The following MUC22 variants were observed in gnomAD, a reference collection of about 807,000 sequenced individuals.
MUC22 encodes mucin 22.
A neutral mutation model predicts 40.3 loss-of-function variants in MUC22; 24 were observed. That is an observed-to-expected ratio of 0.60 (90% CI 0.43 to 0.84). The LOEUF is 0.84. Ranked by LOEUF, MUC22 falls within the 40% of genes least tolerant of loss-of-function variation. MUC22 has a pLI of 0.00. For synonymous variants in MUC22, 765 were observed against 844.5 expected, an observed-to-expected ratio of 0.91 and a Z score of 1.63; for missense variants, 1,926 against 2,130.7, an observed-to-expected ratio of 0.90 and a Z score of 1.89.
chr6:31,019,141 C>G (rs1162086182), intron 1 of MUC22, among the ~76,000 whole-genome samples: 2 of 152,216 alleles, frequency 1.3e-5, no homozygotes, highest in African/African-American at 4.8e-5. Flanking sequence ...ATATTTCCAA[C>G]TTCCACTTCA....
chr6:31,029,909 C>G, exon 2 of MUC22: 1 of 1,516,164 alleles, frequency 6.6e-7, no homozygotes, highest in East Asian at 2.5e-5. Flanking sequence ...ATCATAGGCT[C>G]TGAGAGCACC....
chr6:31,026,488 G>A (rs1765364122), exon 2 of MUC22: 2 of 1,506,952 alleles, frequency 1.3e-6, no homozygotes, highest in Admixed American at 2.0e-5. Flanking sequence ...CTCCACTGCA[G>A]GCTCTGAGAC....
At chr6:31,018,254 T>C (rs1764399434) in intron 1 of MUC22, among the ~76,000 whole-genome samples, 1 of 152,238 alleles carries the variant, frequency 6.6e-6, no homozygotes, top group African/African-American at 2.4e-5. Flanking sequence ...GGTGTATTCA[T>C]CCAAGTGCTT....
At position 31,032,690 on chromosome 6, in the gene MUC22, C is replaced by A. The variant is rs1237120869; in HGVS notation, c.5055+109C>A. 1.2e-5 allele frequency: 15 copies of A among 1,206,558 alleles called. No individual in the cohort carries two copies. The highest frequency in any genetic ancestry group is 2.5e-4 in the Middle Eastern group (1 of 4,064). The allele number at this position is 1,206,558 out of a possible 1,614,324, so 74.7% of individuals were successfully genotyped here. ...AATGAGAAAGGGGAGTAAGTTGGTG[C>A]GCTCAGAAGGAAAGAATCACCTAGC... On this transcript the variant is annotated intron_variant, in intron 3 of 3. Transcript: ENST00000561890. This position sits in a 1 kb window ranked among gnomAD's most constrained non-coding sequence, Gnocchi z 4.1.
chr6:31,022,016 A>G (rs1019672929), intron 1 of MUC22, among the ~76,000 whole-genome samples: 1 of 152,120 alleles, frequency 6.6e-6, no homozygotes, highest in Non-Finnish European at 1.5e-5. Flanking sequence ...GGAAGGAACA[A>G]TTCCACACGC....
chr6:31,019,718 G>A (rs367893373), intron 1 of MUC22, among the ~76,000 whole-genome samples: 23 of 152,346 alleles, frequency 1.5e-4, no homozygotes, highest in African/African-American at 5.3e-4. Context: ...GCTGGGTGTG[G>A]TAGCGCATGT....
rs549015895 is a variant in MUC22 at position 31,020,985 on chromosome 6, G to A, written c.71-4517G>A. On this transcript the variant is annotated intron_variant, in intron 1 of 3. Coordinates refer to ENST00000561890, the Ensembl canonical transcript of MUC22. ...GGGCAGGGCTGGGGACCTGCAGCCC[G>A]CCATGCCTGAGCCTCCCACCCCCTC... Among the ~76,000 whole-genome samples the A allele has an allele frequency of 7.2e-4, 110 of 152,322 alleles. 3 individuals are homozygous for A. The East Asian group carries it at 0.02, about 28-fold the overall frequency.
chr6:31,025,257 C>G (rs939972753), intron 1 of MUC22, among the ~76,000 whole-genome samples: 2 of 152,184 alleles, frequency 1.3e-5, no homozygotes, highest in Non-Finnish European at 2.9e-5. Context: ...TTTAACAGCA[C>G]TTAAGCCAAT....
chr6:31,016,966 C>A (rs184690935), intron 1 of MUC22, among the ~76,000 whole-genome samples: 1 of 152,352 alleles, frequency 6.6e-6, no homozygotes, highest in East Asian at 1.9e-4. Flanking sequence ...GCGGAGGGTG[C>A]GCCAGGTTCC....
intron 1 of MUC22, among the ~76,000 whole-genome samples, chr6:31,025,146 C>T (rs1765175523): frequency 6.8e-6 from 1 of 146,666 alleles, no homozygotes; most frequent in Non-Finnish European, 1.5e-5. Flanking sequence ...CTGCGCCCAG[C>T]CCAAATGGCT....
exon 1 of MUC22, chr6:31,010,663 A>T (rs1476615537): frequency 1.4e-6 from 1 of 702,292 alleles, no homozygotes; most frequent in Non-Finnish European, 2.6e-6. Flanking sequence ...CTTCCTTTGG[A>T]ACCCAGGCAT....
At chr6:31,029,321 C>T (rs1303607069) in exon 2 of MUC22, 1 of 1,528,786 alleles carries the variant, frequency 6.5e-7, no homozygotes, top group Admixed American at 2.0e-5. Flanking sequence ...GAGACCACAG[C>T]AGTCTATACC....
chr6:31,015,445 A>T (rs1398265478), intron 1 of MUC22, among the ~76,000 whole-genome samples: 1 of 152,220 alleles, frequency 6.6e-6, no homozygotes, highest in Non-Finnish European at 1.5e-5. Context: ...ACTAGGGCTT[A>T]GACATGTAGC....
At chr6:31,021,109 G>T (rs6929324) in intron 1 of MUC22, among the ~76,000 whole-genome samples, 3,267 of 152,376 alleles carry the variant, frequency 0.021, 54 homozygotes, top group Admixed American at 0.039. Context: ...GACTGTGAGC[G>T]CATGGCGTAG....
intron 1 of MUC22, among the ~76,000 whole-genome samples, chr6:31,018,535 C>T (rs1345230): frequency 0.13 from 17,105 of 133,032 alleles, 1,246 homozygotes; most frequent in Non-Finnish European, 0.18. Context: ...AAAAATATCT[C>T]CTCTGCTGTT....
chr6:31,017,429 G>A (rs1764305414), intron 1 of MUC22, among the ~76,000 whole-genome samples: 1 of 152,198 alleles, frequency 6.6e-6, no homozygotes, highest in African/African-American at 2.4e-5. Flanking sequence ...CTAAGGGATT[G>A]TAAATACACC....
chr6:31,030,038 C>T (rs1462564375), exon 2 of MUC22: 8 of 1,535,534 alleles, frequency 5.2e-6, no homozygotes, highest in African/African-American at 1.4e-5. Context: ...TCTTCCACCA[C>T]GTTTGTACTC....
At chr6:31,028,919 C>T (rs910494365) in exon 2 of MUC22, 1 of 1,519,160 alleles carries the variant, frequency 6.6e-7, no homozygotes, top group Non-Finnish European at 8.8e-7. Context: ...ACTGAAGGCT[C>T]TGAGATCACT....
At chr6:31,022,403 T>C (rs1487344890) in intron 1 of MUC22, among the ~76,000 whole-genome samples, 3 of 152,132 alleles carry the variant, frequency 2.0e-5, no homozygotes, top group Non-Finnish European at 4.4e-5. Flanking sequence ...GTGATCTGCC[T>C]GCCTCTGCTT....
Sources: gnomAD v4.1 joint callset for allele counts (sites outside exome capture counted in the v4.1 genomes callset) on GRCh38, gnomAD v4.1.1 for gene constraint, Gnocchi (gnomAD v3.1) non-coding constraint, MANE v1.5 for transcripts, NCBI Gene and HGNC (gene_info 2026-07-23, HGNC 2026-07-21) for gene names.